SCHIP1: variants seen among roughly 807,000 people sequenced by gnomAD.
SCHIP1 encodes schwannomin-interacting protein 1.
SCHIP1 carries 8 observed loss-of-function variants against 29.7 expected under a neutral mutation model. The ratio of observed to expected loss-of-function variants is 0.27; its 90% CI spans 0.16 to 0.49. The LOEUF (loss-of-function observed/expected upper bound fraction) is 0.49. Among genes scored for constraint, SCHIP1 ranks in the 20% least tolerant of loss-of-function variants. The probability of loss-of-function intolerance (pLI) is 0.99; values close to 1 mark genes in which losing one functional copy is unlikely to be tolerated. For synonymous variants in SCHIP1, 76 were observed against 94.9 expected (o/e 0.80, Z 1.16); for missense variants, 193 against 294.6 (o/e 0.66, Z 2.52).
chr3:159,544,147 G>A, the SCHIP1 span, among the ~76,000 whole-genome samples: 11 of 151,734 alleles, frequency 7.2e-5, no homozygotes, highest in East Asian at 1.9e-4. Flanking sequence ...TTTTATATAC[G>A]TACCATCATG....
At chr3:159,688,999 A>G in the SCHIP1 span, among the ~76,000 whole-genome samples, 2 of 152,126 alleles carry the variant, frequency 1.3e-5, no homozygotes, top group Non-Finnish European at 2.9e-5. Context: ...TGGTTACTGT[A>G]GGCTTGTAGT....
rs1044108796 is a variant in SCHIP1 at position 159,844,200 on chromosome 3, T to C, written c.30+3986T>C. 6.6e-5 allele frequency among the ~76,000 whole-genome samples: 10 copies of C among 152,340 alleles called. No individual in the cohort carries two copies. In the East Asian group the frequency reaches 1.5e-3, roughly 24 times the overall value. ...TGTCTCACTTCATTTCCCAGTTGTA[T>C]CTTGCTAATATGTAGAAATACAATG... is the stretch of plus-strand genomic sequence containing the variant. On this transcript the variant is annotated intron_variant, in intron 1 of 6. Coordinates refer to ENST00000445224, the Ensembl canonical transcript of SCHIP1.
At chr3:159,390,803 G>T in the SCHIP1 span, among the ~76,000 whole-genome samples, 2 of 151,836 alleles carry the variant, frequency 1.3e-5, no homozygotes, top group African/African-American at 4.8e-5. Flanking sequence ...TGTAGACTTT[G>T]TCATGCAGCC....
the SCHIP1 span, among the ~76,000 whole-genome samples, chr3:159,411,289 G>A: frequency 2.0e-4 from 30 of 152,194 alleles, no homozygotes; most frequent in African/African-American, 7.0e-4. Flanking sequence ...TAGCTGAGTT[G>A]TTTGTAACAC....
chr3:159,701,512 T>C, the SCHIP1 span, among the ~76,000 whole-genome samples: 1 of 152,228 alleles, frequency 6.6e-6, no homozygotes, highest in Admixed American at 6.5e-5. Flanking sequence ...TGGATGATCT[T>C]GATTCTTTAA....
chr3:159,484,186 C>T, the SCHIP1 span, among the ~76,000 whole-genome samples: 1 of 152,182 alleles, frequency 6.6e-6, no homozygotes, highest in South Asian at 2.1e-4. Flanking sequence ...ATGCATGTTA[C>T]ATGGTAGCTG....
At chr3:159,680,687 G>GTA in the SCHIP1 span, among the ~76,000 whole-genome samples, 5 of 47,318 alleles carry the variant, frequency 1.1e-4, no homozygotes, top group Non-Finnish European at 1.6e-4. Context: ...TATAATATAT[G>GTA]TATATATATA....
the SCHIP1 span, among the ~76,000 whole-genome samples, chr3:159,603,752 T>G: frequency 6.6e-6 from 1 of 152,202 alleles, no homozygotes; most frequent in Non-Finnish European, 1.5e-5. Context: ...TACCTAGGAT[T>G]GGGTAATTTA....
the SCHIP1 span, among the ~76,000 whole-genome samples, chr3:159,420,278 T>G: frequency 6.6e-6 from 1 of 152,016 alleles, no homozygotes; most frequent in Non-Finnish European, 1.5e-5. Context: ...AGAAAAAACA[T>G]CAGGAGGCTT....
the SCHIP1 span, among the ~76,000 whole-genome samples, chr3:159,392,012 A>G: frequency 2.8e-4 from 43 of 152,214 alleles, no homozygotes; most frequent in African/African-American, 1.0e-3. Flanking sequence ...CAACCTGTCC[A>G]GGTCTTTTGG....
the SCHIP1 span, among the ~76,000 whole-genome samples, chr3:159,538,969 G>T: frequency 1.3e-5 from 2 of 152,134 alleles, no homozygotes; most frequent in Admixed American, 1.3e-4. Flanking sequence ...AAGAGCCTCT[G>T]CCTGCCTTCC....
At chr3:159,490,651 C>T in the SCHIP1 span, among the ~76,000 whole-genome samples, 3 of 152,114 alleles carry the variant, frequency 2.0e-5, no homozygotes, top group East Asian at 5.8e-4. Flanking sequence ...AATTGATTTC[C>T]TATTAAGGTG....
At chr3:159,393,677 C>CTGTT in the SCHIP1 span, among the ~76,000 whole-genome samples, 1 of 150,598 alleles carries the variant, frequency 6.6e-6, no homozygotes, top group African/African-American at 2.4e-5. Context: ...ATCTATATAT[C>CTGTT]TGTTTTGGTA....
At chr3:159,384,093 C>T in the SCHIP1 span, among the ~76,000 whole-genome samples, 1 of 151,332 alleles carries the variant, frequency 6.6e-6, no homozygotes. Context: ...AATTGAATAC[C>T]CTTTATTTCC....
chr3:159,514,154 G>C, the SCHIP1 span, among the ~76,000 whole-genome samples: 1 of 152,034 alleles, frequency 6.6e-6, no homozygotes, highest in Non-Finnish European at 1.5e-5. Context: ...CTCACAGGCA[G>C]GTCCAGAACA....
the SCHIP1 span, among the ~76,000 whole-genome samples, chr3:159,441,178 C>T: frequency 6.6e-6 from 1 of 152,102 alleles, no homozygotes; most frequent in Non-Finnish European, 1.5e-5. Context: ...CTCGCACATA[C>T]ACACACACAT....
the SCHIP1 span, among the ~76,000 whole-genome samples, chr3:159,421,030 G>A: frequency 1.3e-5 from 2 of 152,164 alleles, no homozygotes; most frequent in Admixed American, 1.3e-4. Flanking sequence ...GTCTTCAAAT[G>A]TTCATCAAGG....
the SCHIP1 span, among the ~76,000 whole-genome samples, chr3:159,563,759 A>G: frequency 6.6e-6 from 1 of 152,184 alleles, no homozygotes; most frequent in Non-Finnish European, 1.5e-5. Context: ...AATGACTTCA[A>G]GGTTATAGTG....
At chr3:159,349,622 G>T in the SCHIP1 span, among the ~76,000 whole-genome samples, 4 of 152,060 alleles carry the variant, frequency 2.6e-5, no homozygotes, top group Admixed American at 2.6e-4. Flanking sequence ...TATCATTGTG[G>T]TTACTAATCT....
Sources: allele counts gnomAD v4.1 joint callset (sites outside exome capture counted in the v4.1 genomes callset), GRCh38; gene constraint gnomAD v4.1.1; transcripts MANE v1.5; gene names NCBI Gene and HGNC (gene_info 2026-07-23, HGNC 2026-07-21).